The following ADGRL2 variants were observed in gnomAD, a reference collection of about 807,000 sequenced individuals.
ADGRL2 encodes adhesion G protein-coupled receptor L2.
In ADGRL2, 44 loss-of-function variants were observed where a neutral mutation model predicts 157.4. The observed-to-expected ratio is 0.28, with a 90% CI of 0.22 to 0.36. ADGRL2 has a LOEUF of 0.36. ADGRL2 is among the 10% of genes least tolerant of loss of function. The pLI, the probability that ADGRL2 is intolerant of heterozygous loss-of-function variation, is 1.00. For missense variants in ADGRL2, 1,510 were observed against 1,768.9 expected (o/e 0.85, Z 2.63); for synonymous variants, 585 against 624.7 (o/e 0.94, Z 0.95).
At chr1:81,346,821 G>A (rs1662515126) in intron 1 of ADGRL2, among the ~76,000 whole-genome samples, 1 of 152,182 alleles carries the variant, frequency 6.6e-6, no homozygotes, top group Non-Finnish European at 1.5e-5. Context: ...TGTTATGGCA[G>A]TCTTAAGTGA....
chr1:81,746,878 A>G (rs566289929), intron 1 of ADGRL2, among the ~76,000 whole-genome samples: 3 of 150,602 alleles, frequency 2.0e-5, no homozygotes, highest in Admixed American at 2.0e-4. Flanking sequence ...GTATATACAC[A>G]CGTGCACACG....
intron 1 of ADGRL2, among the ~76,000 whole-genome samples, chr1:81,434,354 G>A (rs2077373209): frequency 6.6e-6 from 1 of 151,802 alleles, no homozygotes; most frequent in Admixed American, 6.6e-5. Flanking sequence ...TCTATTTTAT[G>A]TTTCTTCACT....
chr1:81,623,503 A>G (rs965628986), intron 3 of ADGRL2, among the ~76,000 whole-genome samples: 8 of 152,116 alleles, frequency 5.3e-5, no homozygotes, highest in Non-Finnish European at 1.0e-4. Context: ...TGAGAAAGAT[A>G]TGTTGAAGTC....
intron 2 of ADGRL2, among the ~76,000 whole-genome samples, chr1:81,450,921 T>A (rs1013210444): frequency 1.3e-5 from 2 of 152,150 alleles, no homozygotes; most frequent in African/African-American, 4.8e-5. Flanking sequence ...ATTTTGTTCA[T>A]TCCATAAACT....
At chr1:81,418,642 T>A (rs1447717241) in intron 1 of ADGRL2, among the ~76,000 whole-genome samples, 1 of 151,954 alleles carries the variant, frequency 6.6e-6, no homozygotes, top group Non-Finnish European at 1.5e-5. Context: ...CAGTCCCAGC[T>A]ACTCGGGAGG....
intron 11 of ADGRL2, among the ~76,000 whole-genome samples, chr1:81,956,316 A>T (rs1309135626): frequency 6.6e-6 from 1 of 152,242 alleles, no homozygotes; most frequent in Non-Finnish European, 1.5e-5. Flanking sequence ...AAAAAGTGTA[A>T]GAGTGCCTAA....
chr1:81,611,842 T>G (rs1422799809), intron 3 of ADGRL2, among the ~76,000 whole-genome samples: 2 of 152,080 alleles, frequency 1.3e-5, no homozygotes, highest in African/African-American at 4.8e-5. Context: ...ATGGGAGGTG[T>G]GTGGGTCCTG....
chr1:81,387,569 G>A (rs2076459575), intron 1 of ADGRL2, among the ~76,000 whole-genome samples: 3 of 152,092 alleles, frequency 2.0e-5, no homozygotes, highest in Admixed American at 1.3e-4. Flanking sequence ...AGAAACTGAA[G>A]GTCACTTGGC....
intron 1 of ADGRL2, among the ~76,000 whole-genome samples, chr1:81,383,712 C>G (rs1346684226): frequency 6.7e-6 from 1 of 149,176 alleles, no homozygotes; most frequent in Non-Finnish European, 1.5e-5. Context: ...CACCTGTAAT[C>G]CCAGCACTTT....
intron 1 of ADGRL2, among the ~76,000 whole-genome samples, chr1:81,812,421 A>G (rs2149686575): frequency 6.6e-6 from 1 of 151,888 alleles, no homozygotes; most frequent in Admixed American, 6.6e-5. Flanking sequence ...CATAGATTAC[A>G]AATGTGCCTT....
At chr1:81,563,869 A>G (rs536529872) in intron 2 of ADGRL2, among the ~76,000 whole-genome samples, 1 of 152,276 alleles carries the variant, frequency 6.6e-6, no homozygotes, top group East Asian at 1.9e-4. Context: ...CATAGTTAAC[A>G]CTTTCTAAGT....
At chr1:81,938,712 C>G (rs1406546325) in intron 4 of ADGRL2, among the ~76,000 whole-genome samples, 2 of 151,522 alleles carry the variant, frequency 1.3e-5, no homozygotes, top group East Asian at 1.9e-4. Context: ...TTCCTATATA[C>G]TCTACAGTAG....
intron 1 of ADGRL2, among the ~76,000 whole-genome samples, chr1:81,381,524 C>G (rs12136410): frequency 0.038 from 5,713 of 152,160 alleles, 134 homozygotes; most frequent in Middle Eastern, 0.11. Context: ...ATGCAGTCAT[C>G]TGTGATCCAC....
At chr1:81,322,511 A>G (rs1011843756) in intron 1 of ADGRL2, among the ~76,000 whole-genome samples, 3 of 152,126 alleles carry the variant, frequency 2.0e-5, no homozygotes, top group African/African-American at 7.2e-5. Flanking sequence ...TCTTCAATTA[A>G]TCATAAGTTT....
chr1:81,754,235 T>G (rs2085591409), intron 1 of ADGRL2, among the ~76,000 whole-genome samples: 1 of 146,732 alleles, frequency 6.8e-6, no homozygotes, highest in South Asian at 2.4e-4. Flanking sequence ...CTCTCTTTCT[T>G]TCTTTCTTTC....
At chr1:81,965,765 CTG>C (rs1294268768) in intron 11 of ADGRL2, among the ~76,000 whole-genome samples, 1 of 152,144 alleles carries the variant, frequency 6.6e-6, no homozygotes, top group Non-Finnish European at 1.5e-5. Flanking sequence ...AATTCATACA[CTG>C]TTCATACTTA....
intron 1 of ADGRL2, among the ~76,000 whole-genome samples, chr1:81,721,274 A>G (rs2084309198): frequency 6.6e-6 from 1 of 151,894 alleles, no homozygotes; most frequent in Non-Finnish European, 1.5e-5. Context: ...TTAACTCAAA[A>G]CCTCTTTTAA....
intron 1 of ADGRL2, among the ~76,000 whole-genome samples, chr1:81,700,180 C>T (rs866744995): frequency 2.0e-5 from 3 of 152,160 alleles, no homozygotes; most frequent in South Asian, 2.1e-4. Context: ...AGAATCATAA[C>T]GATATCTTAA....
At chr1:81,414,739 A>T (rs576922716) in intron 1 of ADGRL2, among the ~76,000 whole-genome samples, 1 of 152,240 alleles carries the variant, frequency 6.6e-6, no homozygotes, top group African/African-American at 2.4e-5. Flanking sequence ...GTCTCATAGC[A>T]GACTCTGGCT....
Sources: gnomAD v4.1 joint callset for allele counts (sites outside exome capture counted in the v4.1 genomes callset) on GRCh38, gnomAD v4.1.1 for gene constraint, MANE v1.5 for transcripts, NCBI Gene and HGNC (gene_info 2026-07-23, HGNC 2026-07-21) for gene names.